Variants in RNF217 observed in about 807,000 individuals in gnomAD.
RNF217 encodes the protein ring finger protein 217.
A neutral mutation model predicts 57.8 loss-of-function variants in RNF217; 31 were observed. The observed-to-expected ratio is 0.54, with a 90% CI of 0.40 to 0.72. RNF217 has a LOEUF of 0.72. Ranked by LOEUF, RNF217 falls within the 30% of genes least tolerant of loss-of-function variation. RNF217 has a pLI of 0.00. For synonymous variants in RNF217, 313 were observed against 294.0 expected (o/e 1.06, Z -0.66); for missense variants, 696 against 708.3 (o/e 0.98, Z 0.20).
intron 1 of RNF217, among the ~76,000 whole-genome samples, chr6:125,025,962 G>C (rs1237595859): frequency 6.6e-6 from 1 of 152,152 alleles, no homozygotes; most frequent in Admixed American, 6.5e-5. Context: ...TGAAGAGGGA[G>C]GTGAAATGGT....
Position 125,033,171 on chromosome 6 carries a change from A to C in RNF217, c.883-12040A>C, listed in dbSNP as rs558470857. 2.2e-3 allele frequency among the ~76,000 whole-genome samples: 333 copies of C among 150,206 alleles called. 3 individuals are homozygous for C. Among genetic ancestry groups the C allele is most frequent in the Middle Eastern group, 7.2e-3 (2 of 278 alleles). ...TTTCAGAGTTTGGATTTCAACTAAG[A>C]TCTGTTTGCCTACAGATTCTGTGTT... On this transcript the variant is annotated intron_variant, in intron 1 of 5. Transcript: ENST00000521654.
intron 1 of RNF217, among the ~76,000 whole-genome samples, chr6:125,000,437 C>T (rs7756487): frequency 0.052 from 7,820 of 151,786 alleles, 730 homozygotes; most frequent in African/African-American, 0.18. Context: ...TGTAAGGGGG[C>T]ATTATAGATA....
At chr6:124,987,970 C>T (rs1784419015) in intron 1 of RNF217, among the ~76,000 whole-genome samples, 2 of 152,152 alleles carry the variant, frequency 1.3e-5, no homozygotes, top group South Asian at 4.1e-4. Flanking sequence ...GATTAAGTGT[C>T]CCCAATCCAG....
chr6:124,994,339 T>C (rs2115052577), intron 1 of RNF217, among the ~76,000 whole-genome samples: 1 of 152,328 alleles, frequency 6.6e-6, no homozygotes, highest in South Asian at 2.1e-4. Context: ...TGACGTGATT[T>C]CATCTGCAAG....
chr6:125,006,575 G>T (rs1487027494), intron 1 of RNF217, among the ~76,000 whole-genome samples: 1 of 152,108 alleles, frequency 6.6e-6, no homozygotes, highest in Non-Finnish European at 1.5e-5. Flanking sequence ...ATACTATTCT[G>T]AGCAAATATA....
intron 1 of RNF217, among the ~76,000 whole-genome samples, chr6:125,025,102 T>C (rs997287214): frequency 6.6e-6 from 1 of 151,894 alleles, no homozygotes; most frequent in African/African-American, 2.4e-5. Context: ...GTGCTAGAGG[T>C]CAAGAAAGAA....
At chr6:125,005,806 G>A (rs1302300815) in intron 1 of RNF217, among the ~76,000 whole-genome samples, 1 of 152,122 alleles carries the variant, frequency 6.6e-6, no homozygotes, top group East Asian at 1.9e-4. Context: ...ATATGGTTTT[G>A]TATAGAACAT....
Position 124,995,128 on chromosome 6 carries a change from C to T in RNF217, c.882+31702C>T, listed in dbSNP as rs959286641. On this transcript the variant is annotated intron_variant, in intron 1 of 5. Coordinates refer to ENST00000521654, the MANE Select transcript of RNF217 (RefSeq NM_001286398.3). ...TGTGGTTTGTCAGTTATTTATACCA[C>T]CACCTTCTTCATCCATATTTTATTA... 2.0e-5 allele frequency among the ~76,000 whole-genome samples: 3 copies of T among 152,260 alleles called. No individual in the cohort carries two copies. In the South Asian group the frequency reaches 6.2e-4, roughly 32 times the overall value.
chr6:125,030,996 TC>T (rs1300015901), intron 1 of RNF217, among the ~76,000 whole-genome samples: 1 of 152,256 alleles, frequency 6.6e-6, no homozygotes, highest in Non-Finnish European at 1.5e-5. Flanking sequence ...GGTGGAGGTT[TC>T]CAAACCTCAG....
intron 3 of RNF217, among the ~76,000 whole-genome samples, chr6:125,075,795 C>A (rs905677694): frequency 6.6e-6 from 1 of 152,098 alleles, no homozygotes; most frequent in African/African-American, 2.4e-5. Context: ...AATTTCTATA[C>A]AATATCTTTC....
intron 1 of RNF217, among the ~76,000 whole-genome samples, chr6:125,023,939 A>C (rs1430549669): frequency 6.6e-6 from 1 of 152,184 alleles, no homozygotes; most frequent in African/African-American, 2.4e-5. Flanking sequence ...GAAAAGGACT[A>C]AGGAGATGTT....
At chr6:125,049,387 G>A (rs1787222859) in intron 2 of RNF217, among the ~76,000 whole-genome samples, 1 of 152,014 alleles carries the variant, frequency 6.6e-6, no homozygotes, top group South Asian at 2.1e-4. Flanking sequence ...GATAACCTGT[G>A]TCAAGCCTAT....
Position 124,962,795 on chromosome 6 carries a change from C to T in RNF217, c.251C>T (p.Pro84Leu), listed in dbSNP as rs1346614889. The change falls in exon 1 of 6, where the codon CCG (proline) becomes CTG (leucine). Residue 84 changes from proline (P) to leucine (L), a missense_variant. Coordinates refer to ENST00000521654, the MANE Select transcript of RNF217 (RefSeq NM_001286398.3). This position sits in a 1 kb window ranked among gnomAD's most constrained non-coding sequence, Gnocchi z 4.6. ...CCGGGCTGGAGTAAGAGCCGAGCAC[C>T]GGCGCAGCCTGCGGGACTGGCACTC... ...GPPGWSKSRA[P>L]AQPAGLALTG... 6.3e-7 allele frequency: 1 copy of T among 1,597,286 alleles called. No homozygotes were observed. The highest frequency in any genetic ancestry group is 1.1e-5 in the South Asian group (1 of 91,026).
At chr6:124,976,890 C>A (rs7761012) in intron 1 of RNF217, among the ~76,000 whole-genome samples, 123,695 of 152,146 alleles carry the variant, frequency 0.81, 50,724 homozygotes, top group East Asian at 0.89. Context: ...CACCTTTTGA[C>A]TCATGGAGGC....
intron 1 of RNF217, among the ~76,000 whole-genome samples, chr6:125,013,203 T>C (rs1231027860): frequency 2.0e-5 from 3 of 152,048 alleles, no homozygotes; most frequent in African/African-American, 7.2e-5. Context: ...TTGGAGATTA[T>C]AATTTAGTGA....
chr6:125,033,593 A>G (rs1249122438), intron 1 of RNF217, among the ~76,000 whole-genome samples: 6 of 150,244 alleles, frequency 4.0e-5, no homozygotes, highest in South Asian at 2.1e-4. Context: ...CCAGTCTATC[A>G]TTGTTGGACA....
At chr6:125,000,390 TTA>T (rs1464041027) in intron 1 of RNF217, among the ~76,000 whole-genome samples, 1 of 152,056 alleles carries the variant, frequency 6.6e-6, no homozygotes, top group African/African-American at 2.4e-5. Context: ...ACACATAATG[TTA>T]TATGATATGT....
intron 3 of RNF217, 102 bp downstream of exon 3, chr6:125,058,208 A>T: frequency 5.0e-6 from 5 of 1,002,462 alleles, no homozygotes; most frequent in Non-Finnish European, 6.7e-6. Context: ...TAATGCAGGT[A>T]TGTGGAAAAA....
chr6:124,983,632 T>G, intron 1 of RNF217: 1 of 285,802 alleles, frequency 3.5e-6, no homozygotes, highest in Non-Finnish European at 5.3e-6. Flanking sequence ...TCACCCCTAG[T>G]GAAATTAATT....
Sources: allele counts gnomAD v4.1 joint callset (sites outside exome capture counted in the v4.1 genomes callset), GRCh38; gene constraint gnomAD v4.1.1; non-coding constraint Gnocchi (gnomAD v3.1); transcripts MANE v1.5; gene names NCBI Gene and HGNC (gene_info 2026-07-23, HGNC 2026-07-21).